PRDM2: variants seen among roughly 807,000 people sequenced by gnomAD.
PRDM2 encodes PR/SET domain 2.
A neutral mutation model predicts 130.0 loss-of-function variants in PRDM2; 30 were observed. The observed-to-expected ratio is 0.23, with a 90% CI of 0.17 to 0.31. PRDM2 has a LOEUF of 0.31. Among genes scored for constraint, PRDM2 ranks in the 10% least tolerant of loss-of-function variants. The pLI is 1.00. For missense variants in PRDM2, 2,011 were observed against 2,108.4 expected (o/e 0.95, Z 0.90); for synonymous variants, 871 against 782.4 (o/e 1.11, Z -1.89).
intron 4 of PRDM2, 62 bp downstream of exon 4, chr1:13,732,944 C>A: frequency 9.0e-7 from 1 of 1,114,878 alleles, no homozygotes; most frequent in South Asian, 1.5e-5. Flanking sequence ...TCTGTTCTCT[C>A]AGAATTTGAC....
Position 13,806,970 on chromosome 1 carries a change from A to G in PRDM2, c.5037-9457A>G, listed in dbSNP as rs2463871. Among the ~76,000 whole-genome samples, 10,772 of 152,120 alleles carry G rather than the reference A, an allele frequency of 0.071. 673 individuals carry two copies. The highest frequency in any genetic ancestry group is 0.17 in the South Asian group (823 of 4,810). ...CCCCCCACCCCAGGTCGTAGCCCAC[A>G]CACTGCCGTTTCCCATGTCACCTTT... On this transcript the variant is annotated intron_variant, in intron 8 of 9. Transcript: ENST00000311066. This position sits in a 1 kb window ranked among gnomAD's most constrained non-coding sequence, Gnocchi z 4.1.
intron 6 of PRDM2, among the ~76,000 whole-genome samples, chr1:13,762,913 C>G (rs1482530745): frequency 6.6e-6 from 1 of 152,170 alleles, no homozygotes; most frequent in Non-Finnish European, 1.5e-5. Context: ...TTGAGATCCT[C>G]CACAGCAGTG....
chr1:13,770,705 T>TA (rs35083704), intron 6 of PRDM2, among the ~76,000 whole-genome samples: 44 of 152,264 alleles, frequency 2.9e-4, no homozygotes, highest in South Asian at 2.5e-3. Flanking sequence ...AAATGATCAG[T>TA]AAAAAAAGGC....
intron 2 of PRDM2, among the ~76,000 whole-genome samples, chr1:13,723,396 A>C (rs1472367912): frequency 6.6e-6 from 1 of 152,198 alleles, no homozygotes; most frequent in African/African-American, 2.4e-5. Flanking sequence ...CTGCTCCAGC[A>C]CATGGACACT....
chr1:13,719,358 G>T (rs1164971110), intron 2 of PRDM2, among the ~76,000 whole-genome samples: 4 of 152,230 alleles, frequency 2.6e-5, no homozygotes, highest in Non-Finnish European at 5.9e-5. Flanking sequence ...GCAAGCTATG[G>T]TCTGGAGCTT....
At chr1:13,714,112 A>C (rs573018299) in intron 1 of PRDM2, among the ~76,000 whole-genome samples, 1 of 152,034 alleles carries the variant, frequency 6.6e-6, no homozygotes, top group African/African-American at 2.4e-5. Flanking sequence ...CTCGTGATCC[A>C]CCTGCCTTGG....
chr1:13,714,046 T>G (rs946318263), intron 1 of PRDM2, among the ~76,000 whole-genome samples: 2 of 152,102 alleles, frequency 1.3e-5, no homozygotes, highest in Non-Finnish European at 1.5e-5. Context: ...TTTTTTGTAT[T>G]TTTTAGTAGA....
At chr1:13,763,492 G>A (rs1281440529) in intron 6 of PRDM2, among the ~76,000 whole-genome samples, 1 of 152,118 alleles carries the variant, frequency 6.6e-6, no homozygotes. Flanking sequence ...GGGGATTGTG[G>A]TTTTTTTCCT....
chr1:13,809,677 C>T (rs1379222184), intron 8 of PRDM2, among the ~76,000 whole-genome samples: 3 of 152,230 alleles, frequency 2.0e-5, no homozygotes, highest in South Asian at 2.1e-4. Context: ...TGGCCGTGGA[C>T]GCCAAAGCCA....
At chr1:13,776,065 A>G (rs796734479) in intron 7 of PRDM2, among the ~76,000 whole-genome samples, 41 of 152,208 alleles carry the variant, frequency 2.7e-4, no homozygotes, top group African/African-American at 9.4e-4. Context: ...TCCTTTCTCT[A>G]AGAAGCCTTT....
intron 8 of PRDM2, 127 bp downstream of exon 8, chr1:13,782,958 A>C: frequency 6.5e-7 from 1 of 1,539,724 alleles, no homozygotes; most frequent in Non-Finnish European, 8.7e-7. Context: ...GCTGTTGTAT[A>C]AGTTAAAGGC....
intron 2 of PRDM2, among the ~76,000 whole-genome samples, chr1:13,716,928 A>G (rs1642559786): frequency 1.4e-5 from 2 of 147,920 alleles, no homozygotes; most frequent in African/African-American, 4.8e-5. Flanking sequence ...CATCAACTGA[A>G]ACTTTAGACA....
intron 6 of PRDM2, among the ~76,000 whole-genome samples, chr1:13,751,564 C>A (rs1291704565): frequency 1.4e-5 from 2 of 144,744 alleles, no homozygotes; most frequent in East Asian, 4.2e-4. Context: ...CTGTTTAGGT[C>A]TTATGTGTGA....
rs140342032 is a variant in PRDM2, at chr1:13,794,127, G to C, written c.5036+11296G>C. On this transcript the variant is annotated intron_variant, in intron 8 of 9. Coordinates refer to ENST00000311066, the MANE Select transcript of PRDM2 (RefSeq NM_001393986.1). Reference sequence around the variant, plus strand: ...CCACAGAAGAGATGGTGAGGTGCAGGCCAGCACTAGCCGGGGTTGAGGTTC... The same window carrying C: ...CCACAGAAGAGATGGTGAGGTGCAGCCCAGCACTAGCCGGGGTTGAGGTTC... Among the ~76,000 whole-genome samples, 609 of 152,334 alleles carry C rather than the reference G, an allele frequency of 4.0e-3. 2 individuals carry two copies. The highest frequency in any genetic ancestry group is 0.014 in the African/African-American group (590 of 41,576).
intron 8 of PRDM2, chr1:13,787,281 A>G: frequency 1.0e-6 from 1 of 983,306 alleles, no homozygotes; most frequent in Non-Finnish European, 1.2e-6. Context: ...GCCTGTACAG[A>G]TGTATGTCTA....
At chr1:13,714,345 T>G (rs1642470044) in intron 1 of PRDM2, among the ~76,000 whole-genome samples, 1 of 152,062 alleles carries the variant, frequency 6.6e-6, no homozygotes, top group Admixed American at 6.5e-5. Context: ...TGGCTTTTTT[T>G]TTTTTTTTCC....
In PRDM2 at chr1:13,778,595, GGGAAGAGGAGGAGGA is replaced by G. The variant is rs770109313; in HGVS notation, c.816_830del (p.Glu272_Glu276del). 102 of 1,613,850 alleles carry G rather than the reference GGGAAGAGGAGGAGGA, an allele frequency of 6.3e-5. No individual in the cohort carries two copies. Among genetic ancestry groups the G allele is most frequent in the Middle Eastern group, 1.6e-4 (1 of 6,084 alleles). ...GCAGCTTGTGAGGTGAATGATTTGG[GGGAAGAGGAGGAGGA>G]GGAAGAGGAGGAGGATGAAGAAGAA... On this transcript the variant is annotated inframe_deletion, in exon 8 of 10. Transcript: ENST00000311066.
intron 8 of PRDM2, among the ~76,000 whole-genome samples, chr1:13,797,470 G>T (rs1234373018): frequency 6.6e-6 from 1 of 152,214 alleles, no homozygotes; most frequent in Non-Finnish European, 1.5e-5. Flanking sequence ...TGTAATTAAT[G>T]ATAGGTTTAT....
intron 8 of PRDM2, among the ~76,000 whole-genome samples, chr1:13,793,867 T>A (rs1243913531): frequency 6.6e-6 from 1 of 152,168 alleles, no homozygotes; most frequent in African/African-American, 2.4e-5. Context: ...TAAGAAAGTC[T>A]ATGAATTTGT....
Sources: allele counts gnomAD v4.1 joint callset (sites outside exome capture counted in the v4.1 genomes callset), GRCh38; gene constraint gnomAD v4.1.1; non-coding constraint Gnocchi (gnomAD v3.1); transcripts MANE v1.5; gene names NCBI Gene and HGNC (gene_info 2026-07-23, HGNC 2026-07-21).